Variants in THSD7B observed in about 807,000 individuals in gnomAD.
THSD7B encodes the protein thrombospondin type-1 domain-containing protein 7B.
In THSD7B, 138 loss-of-function variants were observed where a neutral mutation model predicts 213.6. The observed-to-expected ratio is 0.65, with a 90% CI of 0.56 to 0.74. THSD7B has a LOEUF of 0.74. THSD7B is among the 30% of genes least tolerant of loss of function. THSD7B has a pLI of 0.00. For synonymous variants in THSD7B, 742 were observed against 687.0 expected (o/e 1.08, Z -1.25); for missense variants, 1,931 against 1,991.5 (o/e 0.97, Z 0.58).
chr2:137,215,361 C>A (rs1681212541), intron 7 of THSD7B, among the ~76,000 whole-genome samples: 1 of 152,120 alleles, frequency 6.6e-6, no homozygotes, highest in Non-Finnish European at 1.5e-5. Flanking sequence ...AGCATTTTAA[C>A]AGAAACTTTT....
chr2:137,300,874 C>A (rs1683582785), intron 12 of THSD7B, among the ~76,000 whole-genome samples: 1 of 151,916 alleles, frequency 6.6e-6, no homozygotes, highest in African/African-American at 2.4e-5. Flanking sequence ...GAGTAGAGGA[C>A]AAGATAGGTC....
At chr2:137,072,971 A>T (rs538212089) in intron 3 of THSD7B, among the ~76,000 whole-genome samples, 2 of 152,158 alleles carry the variant, frequency 1.3e-5, no homozygotes, top group African/African-American at 4.8e-5. Context: ...ATCATGGTAG[A>T]TGAACTTTTT....
At chr2:137,230,604 G>A (rs192729472) in intron 7 of THSD7B, among the ~76,000 whole-genome samples, 53 of 152,282 alleles carry the variant, frequency 3.5e-4, no homozygotes, top group Non-Finnish European at 6.2e-4. Context: ...GCATAAGGTT[G>A]CATATTTGGA....
intron 1 of THSD7B, among the ~76,000 whole-genome samples, chr2:136,854,168 G>GGAAACAGCT (rs1205194658): frequency 7.3e-5 from 11 of 151,464 alleles, no homozygotes; most frequent in Non-Finnish European, 1.3e-4. Context: ...GGCCCTCTTA[G>GGAAACAGCT]GAAACAGCTG....
chr2:137,555,218 G>A (rs1680932697), intron 15 of THSD7B, among the ~76,000 whole-genome samples: 1 of 152,198 alleles, frequency 6.6e-6, no homozygotes, highest in South Asian at 2.1e-4. Context: ...CATGGAGTTT[G>A]AGATTGGAGA....
At chr2:137,091,479 T>G (rs1232419208) in intron 3 of THSD7B, among the ~76,000 whole-genome samples, 3 of 151,910 alleles carry the variant, frequency 2.0e-5, no homozygotes, top group Non-Finnish European at 2.9e-5. Flanking sequence ...ACTTGCTGGG[T>G]CAAACAACAG....
At chr2:136,971,668 A>ACACG (rs1685406773) in intron 2 of THSD7B, among the ~76,000 whole-genome samples, 3 of 151,088 alleles carry the variant, frequency 2.0e-5, no homozygotes, top group Admixed American at 1.3e-4. Flanking sequence ...ACACACACAC[A>ACACG]CACGATATGT....
intron 2 of THSD7B, among the ~76,000 whole-genome samples, chr2:137,002,617 A>G (rs934135162): frequency 3.3e-5 from 5 of 152,158 alleles, no homozygotes; most frequent in East Asian, 3.9e-4. Context: ...ATCATCCTCC[A>G]TAACATCTAA....
chr2:137,160,443 T>G, intron 6 of THSD7B, 75 bp downstream of exon 6: 1 of 1,529,874 alleles, frequency 6.5e-7, no homozygotes, highest in Non-Finnish European at 8.9e-7. Context: ...AGTCACTGAT[T>G]AAGCCTGCTT....
rs558735260 is a variant in THSD7B, at chr2:137,136,959, G to A, written c.1369+21666G>A. ...AGTTAATTCCACCTAAATTGCTTTC[G>A]CCAATGTTCTCATCTTCCCATTTGT... On this transcript the variant is annotated intron_variant, in intron 5 of 27. Coordinates refer to ENST00000409968, the MANE Select transcript of THSD7B (RefSeq NM_001316349.2). Among the ~76,000 whole-genome samples the A allele has an allele frequency of 5.0e-4, 76 of 152,218 alleles. No homozygotes were observed. The South Asian group carries it at 8.3e-3, about 17-fold the overall frequency.
intron 5 of THSD7B, among the ~76,000 whole-genome samples, chr2:137,119,379 T>C (rs1688505099): frequency 6.6e-6 from 1 of 152,200 alleles, no homozygotes; most frequent in Admixed American, 6.5e-5. Flanking sequence ...TAATAATAAT[T>C]GAACTATTGA....
intron 10 of THSD7B, among the ~76,000 whole-genome samples, chr2:137,251,015 T>C (rs1682163728): frequency 6.6e-6 from 1 of 152,360 alleles, no homozygotes; most frequent in African/African-American, 2.4e-5. Context: ...TGAAGGATTG[T>C]GAACTCCTTG....
intron 7 of THSD7B, among the ~76,000 whole-genome samples, chr2:137,195,549 G>C (rs1287398527): frequency 6.6e-6 from 1 of 151,868 alleles, no homozygotes; most frequent in East Asian, 1.9e-4. Flanking sequence ...CACTTTGAAG[G>C]GATTTCTACT....
chr2:137,400,262 A>G (rs1377678938), intron 12 of THSD7B, among the ~76,000 whole-genome samples: 1 of 151,424 alleles, frequency 6.6e-6, no homozygotes, highest in Non-Finnish European at 1.5e-5. Flanking sequence ...GTGGAGGATT[A>G]CTATGTTTCT....
chr2:137,397,647 A>G (rs1329511185), intron 12 of THSD7B, among the ~76,000 whole-genome samples: 1 of 150,522 alleles, frequency 6.6e-6, no homozygotes, highest in African/African-American at 2.4e-5. Context: ...TGTGTCTTGG[A>G]GTTGCTCTTC....
intron 15 of THSD7B, among the ~76,000 whole-genome samples, chr2:137,459,597 G>T (rs1433995387): frequency 6.6e-6 from 1 of 152,004 alleles, no homozygotes; most frequent in Non-Finnish European, 1.5e-5. Flanking sequence ...CCCAGGAAGT[G>T]GAGGTTGCAA....
intron 1 of THSD7B, among the ~76,000 whole-genome samples, chr2:136,855,686 G>C (rs559284242): frequency 5.9e-4 from 90 of 151,898 alleles, no homozygotes; most frequent in African/African-American, 2.2e-3. Flanking sequence ...TGGCCAAGCT[G>C]GTCTCGAACT....
chr2:137,610,247 A>C (rs1682263262), intron 17 of THSD7B, among the ~76,000 whole-genome samples: 1 of 152,010 alleles, frequency 6.6e-6, no homozygotes, highest in Admixed American at 6.6e-5. Flanking sequence ...GATTTAGTGG[A>C]TCTAGAATGG....
At chr2:136,828,726 T>C (rs1211480086) in intron 1 of THSD7B, among the ~76,000 whole-genome samples, 1 of 152,252 alleles carries the variant, frequency 6.6e-6, no homozygotes, top group African/African-American at 2.4e-5. Flanking sequence ...GACTGCAATA[T>C]TCTTGCCTCG....
Sources: gnomAD v4.1 joint callset for allele counts (sites outside exome capture counted in the v4.1 genomes callset) on GRCh38, gnomAD v4.1.1 for gene constraint, MANE v1.5 for transcripts, NCBI Gene and HGNC (gene_info 2026-07-23, HGNC 2026-07-21) for gene names.